The following WWOX variants were observed in gnomAD, a reference collection of about 807,000 sequenced individuals.
WWOX encodes the protein WW domain-containing oxidoreductase.
A neutral mutation model predicts 46.2 loss-of-function variants in WWOX; 69 were observed. The observed-to-expected ratio is 1.49, with a 90% CI of 1.23 to 1.82. WWOX has a LOEUF of 1.82. WWOX is among the 40% of genes most tolerant of loss of function. WWOX has a pLI of 0.00. For missense variants in WWOX, 919 were observed against 542.6 expected, an observed-to-expected ratio of 1.69 and a Z score of -6.89; for synonymous variants, 359 against 202.6, an observed-to-expected ratio of 1.77 and a Z score of -6.56.
At chr16:78,108,740 C>T (rs149803970) in intron 2 of WWOX, among the ~76,000 whole-genome samples, 1 of 152,242 alleles carries the variant, frequency 6.6e-6, no homozygotes, top group African/African-American at 2.4e-5. Context: ...GTAATCCCAG[C>T]ACTTCGGGAG....
chr16:78,910,204 A>C (rs565637482), intron 8 of WWOX, among the ~76,000 whole-genome samples: 1 of 152,316 alleles, frequency 6.6e-6, no homozygotes, highest in Non-Finnish European at 1.5e-5. Context: ...TAGCCAAAGA[A>C]GCATGAACTG....
At chr16:78,734,792 C>G (rs1377395822) in intron 8 of WWOX, among the ~76,000 whole-genome samples, 1 of 136,804 alleles carries the variant, frequency 7.3e-6, no homozygotes, top group Non-Finnish European at 1.5e-5. Context: ...ACTGACCCTA[C>G]TTCAAAGAGA....
chr16:78,515,901 C>G (rs1457227875), intron 8 of WWOX, among the ~76,000 whole-genome samples: 1 of 152,074 alleles, frequency 6.6e-6, no homozygotes, highest in Non-Finnish European at 1.5e-5. Flanking sequence ...CATCTTTGGC[C>G]CATGTGAAAT....
intron 8 of WWOX, among the ~76,000 whole-genome samples, chr16:79,118,560 A>G (rs909857063): frequency 6.6e-6 from 1 of 152,260 alleles, no homozygotes; most frequent in African/African-American, 2.4e-5. Flanking sequence ...TAAAAAACAC[A>G]GTATTTGCAA....
At chr16:78,702,007 T>TATATATATA (rs2048227476) in intron 8 of WWOX, among the ~76,000 whole-genome samples, 1 of 57,630 alleles carries the variant, frequency 1.7e-5, no homozygotes, top group Non-Finnish European at 3.1e-5. Flanking sequence ...CTACATAAAA[T>TATATATATA]TATATATATA....
intron 8 of WWOX, among the ~76,000 whole-genome samples, chr16:79,177,821 G>A (rs1471880015): frequency 2.0e-5 from 3 of 152,190 alleles, no homozygotes; most frequent in Non-Finnish European, 4.4e-5. Context: ...AGTACTAAAT[G>A]TTACCATTTT....
intron 8 of WWOX, among the ~76,000 whole-genome samples, chr16:78,717,994 T>TAAAAA (rs58747923): frequency 2.0e-5 from 3 of 151,490 alleles, no homozygotes; most frequent in Non-Finnish European, 2.9e-5. Flanking sequence ...TAAATGTTAA[T>TAAAAA]AAGCATTTTT....
intron 8 of WWOX, among the ~76,000 whole-genome samples, chr16:79,180,680 T>TTCTCCCTCCC (rs751203811): frequency 9.2e-5 from 14 of 152,096 alleles, no homozygotes; most frequent in Non-Finnish European, 2.1e-4. Context: ...CTCTCTCTCT[T>TTCTCCCTCCC]TCTCCCTCCC....
chr16:78,617,755 C>T (rs1567440080), intron 8 of WWOX, among the ~76,000 whole-genome samples: 2 of 152,200 alleles, frequency 1.3e-5, no homozygotes, highest in Admixed American at 6.5e-5. Flanking sequence ...CCATCTTGGG[C>T]ATCTCACGCA....
At chr16:79,100,608 T>G (rs537108463) in intron 8 of WWOX, among the ~76,000 whole-genome samples, 1 of 152,288 alleles carries the variant, frequency 6.6e-6, no homozygotes, top group East Asian at 1.9e-4. Context: ...CCCGTGTCTC[T>G]TAACAAATGT....
At chr16:78,993,268 G>A (rs759541848) in intron 8 of WWOX, among the ~76,000 whole-genome samples, 2 of 151,906 alleles carry the variant, frequency 1.3e-5, no homozygotes, top group African/African-American at 2.4e-5. Flanking sequence ...ATTTGGGGGT[G>A]GGGGGAGGTT....
intron 8 of WWOX, among the ~76,000 whole-genome samples, chr16:78,771,498 G>C (rs1297295353): frequency 6.6e-6 from 1 of 152,160 alleles, no homozygotes; most frequent in African/African-American, 2.4e-5. Context: ...TGCGCTGGGT[G>C]CGGTGGCTCA....
intron 8 of WWOX, among the ~76,000 whole-genome samples, chr16:78,622,799 A>C (rs545461195): frequency 6.6e-6 from 1 of 152,348 alleles, no homozygotes; most frequent in African/African-American, 2.4e-5. Flanking sequence ...TTAAGGTCTT[A>C]CATGAGACAG....
intron 8 of WWOX, among the ~76,000 whole-genome samples, chr16:79,117,127 C>T (rs1046276830): frequency 6.6e-6 from 1 of 152,042 alleles, no homozygotes; most frequent in Non-Finnish European, 1.5e-5. Context: ...TCCTCCTACT[C>T]CAGCCTTCCC....
chr16:78,680,897 G>C (rs1055843711), intron 8 of WWOX, among the ~76,000 whole-genome samples: 1 of 152,076 alleles, frequency 6.6e-6, no homozygotes, highest in Admixed American at 6.5e-5. Context: ...GAAAGTTTGA[G>C]CCTAGGAGTT....
chr16:78,662,122 G>C (rs1567472395), intron 8 of WWOX, among the ~76,000 whole-genome samples: 1 of 152,126 alleles, frequency 6.6e-6, no homozygotes, highest in Non-Finnish European at 1.5e-5. Flanking sequence ...CCTGACTTTG[G>C]GGTTTGCAGT....
chr16:78,263,150 G>T (rs1597418043), intron 5 of WWOX, among the ~76,000 whole-genome samples: 1 of 152,166 alleles, frequency 6.6e-6, no homozygotes, highest in Non-Finnish European at 1.5e-5. Flanking sequence ...TGAGGCAGGA[G>T]AATCACTTGA....
intron 8 of WWOX, among the ~76,000 whole-genome samples, chr16:78,549,363 G>A (rs978544367): frequency 6.6e-6 from 1 of 152,182 alleles, no homozygotes; most frequent in Non-Finnish European, 1.5e-5. Flanking sequence ...ATTTGTTCGA[G>A]TCACTTGCAC....
intron 8 of WWOX, among the ~76,000 whole-genome samples, chr16:78,656,563 C>T (rs2047085736): frequency 6.6e-6 from 1 of 152,154 alleles, no homozygotes; most frequent in Non-Finnish European, 1.5e-5. Context: ...TTTAAACAAC[C>T]AGATCTGGTG....
Sources: allele counts gnomAD v4.1 joint callset (sites outside exome capture counted in the v4.1 genomes callset), GRCh38; gene constraint gnomAD v4.1.1; transcripts MANE v1.5; gene names NCBI Gene and HGNC (gene_info 2026-07-23, HGNC 2026-07-21).